Variants in GOLGA6L9 observed in about 807,000 individuals in gnomAD.
GOLGA6L9 encodes golgin subfamily A member 6-like protein 9.
In GOLGA6L9, 19 loss-of-function variants were observed where a neutral mutation model predicts 51.3. The observed-to-expected ratio is 0.37, with a 90% CI of 0.26 to 0.54. GOLGA6L9 has a LOEUF of 0.54. Among genes scored for constraint, GOLGA6L9 ranks in the 20% least tolerant of loss-of-function variants. The pLI, the probability that GOLGA6L9 is intolerant of heterozygous loss-of-function variation, is 0.83. For synonymous variants in GOLGA6L9, 97 were observed against 184.2 expected (o/e 0.53, Z 3.83); for missense variants, 247 against 464.1 (o/e 0.53, Z 4.30).
upstream of GOLGA6L9, among the ~76,000 whole-genome samples, chr15:82,429,637 G>A (rs1291867990): frequency 6.6e-6 from 1 of 152,042 alleles, no homozygotes; most frequent in Non-Finnish European, 1.5e-5. Flanking sequence ...AAAAATATAG[G>A]CCAAAATCAT....
the GOLGA6L9 span, among the ~76,000 whole-genome samples, chr15:82,416,178 T>A: frequency 2.6e-5 from 4 of 152,094 alleles, no homozygotes; most frequent in Admixed American, 2.6e-4. Context: ...CGCAATCAGG[T>A]ATCTAGGAAA....
chr15:82,424,278 G>C, the GOLGA6L9 span, among the ~76,000 whole-genome samples: 3 of 151,806 alleles, frequency 2.0e-5, no homozygotes, highest in Non-Finnish European at 1.5e-5. Flanking sequence ...CACCATGTTG[G>C]CCAGGCTAGT....
At chr15:82,426,134 TTAA>T (rs1163367225), upstream of GOLGA6L9, among the ~76,000 whole-genome samples, 1 of 63,654 alleles carries the variant, frequency 1.6e-5, no homozygotes, top group African/African-American at 7.0e-5. Context: ...CCAGTGAATA[TTAA>T]TATATAACAA....
Position 82,434,046 on chromosome 15 carries a change from C to T in GOLGA6L9, c.446C>T (p.Ala149Val). ...KLKNQTAEPLAPQPPAGPSKM... is the reference protein window; with the variant it reads ...KLKNQTAEPLVPQPPAGPSKM... ...CTTGCTTTCTCAGCTGAACCCCTGGCCCCACAGCCCCCAGCAGGGCCATCT... is the reference window on the plus strand; with the variant it reads ...CTTGCTTTCTCAGCTGAACCCCTGGTCCCACAGCCCCCAGCAGGGCCATCT... The change falls in exon 6 of 9, where the codon GCC becomes GTC. Residue 149 changes from alanine (A) to valine (V), a missense_variant. Transcript: ENST00000618348. 6.6e-7 allele frequency: 1 copy of T among 1,526,440 alleles called. No individual in the cohort carries two copies. Among genetic ancestry groups the T allele is most frequent in the African/African-American group, 1.7e-5 (1 of 59,960 alleles). 94.6% of individuals were successfully genotyped at this position (1,526,440 alleles called of 1,614,324 possible).
At chr15:82,418,933 G>A in the GOLGA6L9 span, 2,745 of 152,402 alleles carry the variant, frequency 0.018, 27 homozygotes, top group Non-Finnish European at 0.025. Flanking sequence ...TTAGGGCCAC[G>A]TTTTTAGTTT....
Position 82,436,372 on chromosome 15 carries a change from G to T in GOLGA6L9, c.1260G>T (p.Arg420=). ...GAGEAACHSF[R]AAENRELNIT... Reference sequence around the variant, plus strand: ...GAGAGGCTGCATGCCATTCTTTTCGGGCTGCCGAGAACAGGGAGCTAAACA... The same window carrying T: ...GAGAGGCTGCATGCCATTCTTTTCGTGCTGCCGAGAACAGGGAGCTAAACA... The change falls in exon 9 of 9, where the codon CGG becomes CGT. Residue 420 remains arginine, a synonymous_variant. Coordinates refer to ENST00000618348, the MANE Select transcript of GOLGA6L9 (RefSeq NM_198181.4). 6.3e-7 allele frequency: 1 copy of T among 1,596,860 alleles called. No individual in the cohort carries two copies. The highest frequency in any genetic ancestry group is 8.5e-7 in the Non-Finnish European group (1 of 1,178,156).
At chr15:82,425,934 T>C (rs1378331927), upstream of GOLGA6L9, among the ~76,000 whole-genome samples, 11 of 149,008 alleles carry the variant, frequency 7.4e-5, no homozygotes, top group Middle Eastern at 3.4e-3. Flanking sequence ...AGTGTTTGGC[T>C]GTAGAAGGAG....
the GOLGA6L9 span, among the ~76,000 whole-genome samples, chr15:82,420,582 G>C: frequency 6.6e-6 from 1 of 152,076 alleles, no homozygotes; most frequent in Non-Finnish European, 1.5e-5. Flanking sequence ...ATTAATATCT[G>C]CATTTTATGG....
Position 82,436,328 on chromosome 15 carries a change from G to C in GOLGA6L9, c.1216G>C (p.Glu406Gln). The C allele has an allele frequency of 6.3e-7, 1 of 1,590,820 alleles. No homozygotes were observed. Among genetic ancestry groups the C allele is most frequent in the African/African-American group, 1.3e-5 (1 of 74,378 alleles). Residue 406 changes from glutamate (E) to glutamine (Q), a missense_variant, in exon 9 of 9, where the codon GAG becomes CAG. Around this residue, in one of 9 missense-constraint regions of GOLGA6L9, gnomAD observed 12 missense variants for 89.4 expected, o/e 0.13. Transcript: ENST00000618348. ...GLSGEAVGTG[E>Q]AAGGAGEAAC... ...GAGTGGAGAAGCTGTTGGTACAGGA[G>C]AGGCGGCAGGAGGAGCAGGAGAGGC...
At chr15:82,418,270 G>A in the GOLGA6L9 span, among the ~76,000 whole-genome samples, 20 of 152,296 alleles carry the variant, frequency 1.3e-4, no homozygotes, top group Admixed American at 1.1e-3. Context: ...TGGAAGATGC[G>A]CAGGCTAGAG....
the GOLGA6L9 span, among the ~76,000 whole-genome samples, chr15:82,419,641 C>T: frequency 6.6e-6 from 1 of 151,856 alleles, no homozygotes; most frequent in Non-Finnish European, 1.5e-5. Flanking sequence ...CAGAGCAAGA[C>T]TCCATCTCAA....
Position 82,434,042 on chromosome 15 carries a change from C to G in GOLGA6L9, c.442C>G (p.Leu148Val). ...TCTGCTTGCTTTCTCAGCTGAACCC[C>G]TGGCCCCACAGCCCCCAGCAGGGCC... ...FKLKNQTAEPLAPQPPAGPSK... is the reference protein window; with the variant it reads ...FKLKNQTAEPVAPQPPAGPSK... Residue 148 changes from leucine (L) to valine (V), a missense_variant, in exon 6 of 9, where the codon CTG becomes GTG. Around this residue, in one of 9 missense-constraint regions of GOLGA6L9, gnomAD observed 25 missense variants for 49.6 expected, o/e 0.50. Coordinates refer to ENST00000618348, the MANE Select transcript of GOLGA6L9 (RefSeq NM_198181.4). 2 of 1,529,572 alleles carry G rather than the reference C, an allele frequency of 1.3e-6. No individual in the cohort carries two copies. Among genetic ancestry groups the G allele is most frequent in the South Asian group, 2.4e-5 (2 of 83,924 alleles). 94.8% of individuals were successfully genotyped at this position (1,529,572 alleles called of 1,614,324 possible). A position where few individuals can be genotyped will look rare whatever the true frequency, so the allele number is the denominator to read the frequency against.
At chr15:82,429,600 G>A (rs1399454392), upstream of GOLGA6L9, among the ~76,000 whole-genome samples, 5 of 152,048 alleles carry the variant, frequency 3.3e-5, no homozygotes, top group Non-Finnish European at 5.9e-5. Flanking sequence ...GGTAATACTT[G>A]TAATTCTTGT....
At chr15:82,419,401 CA>C in the GOLGA6L9 span, 5 of 152,992 alleles carry the variant, frequency 3.3e-5, no homozygotes, top group African/African-American at 1.2e-4. Flanking sequence ...GGTATCCCAG[CA>C]GTTTGGGAGG....
chr15:82,427,278 ACTTT>A (rs1278897048), upstream of GOLGA6L9, among the ~76,000 whole-genome samples: 4 of 104,730 alleles, frequency 3.8e-5, no homozygotes, highest in African/African-American at 1.1e-4. Flanking sequence ...TTCCATTCTT[ACTTT>A]CTTTTCTTTT....
upstream of GOLGA6L9, among the ~76,000 whole-genome samples, chr15:82,429,526 A>G (rs1335668237): frequency 8.5e-5 from 13 of 152,344 alleles, no homozygotes; most frequent in South Asian, 2.1e-4. Flanking sequence ...TACTATAGTC[A>G]GCTTCATTAA....
the GOLGA6L9 span, chr15:82,418,855 T>G: frequency 6.6e-6 from 1 of 152,258 alleles, no homozygotes; most frequent in Non-Finnish European, 1.5e-5. Context: ...AGAGAAAGTT[T>G]CCATTGTAAA....
chr15:82,436,572 G>C lies in GOLGA6L9; in HGVS notation c.*161G>C. 1.4e-6 allele frequency: 1 copy of C among 725,560 alleles called. No individual in the cohort carries two copies. The highest frequency in any genetic ancestry group is 2.1e-6 in the Non-Finnish European group (1 of 477,564). 44.9% of individuals were successfully genotyped at this position (725,560 alleles called of 1,614,324 possible). A position where few individuals can be genotyped will look rare whatever the true frequency, so the allele number is the denominator to read the frequency against. ...TCTAATTTATAGTTTAAATTTATTT[G>C]TTTCTAATTTATAGTTTAAATTTAT... On this transcript the variant is annotated 3_prime_UTR_variant, in exon 9 of 9. Transcript: ENST00000618348.
Position 82,438,260 on chromosome 15 carries a change from T to C in GOLGA6L9, c.*1849T>C, listed in dbSNP as rs2031784874. On this transcript the variant is annotated 3_prime_UTR_variant, in exon 9 of 9. Coordinates refer to ENST00000618348, the MANE Select transcript of GOLGA6L9 (RefSeq NM_198181.4). ...GATAGCATTTAGCAACTGTAACCAA[T>C]CTGACAATAATGTGTTCATCAGGTA... 1 of 149,534 alleles carries C rather than the reference T, an allele frequency of 6.7e-6. No individual in the cohort carries two copies. The highest frequency in any genetic ancestry group is 1.5e-5 in the Non-Finnish European group (1 of 67,262). The allele number at this position is 149,534 out of a possible 1,614,324, so 9.3% of individuals were successfully genotyped here.
Sources: gnomAD v4.1 joint callset for allele counts (sites outside exome capture counted in the v4.1 genomes callset) on GRCh38, gnomAD v4.1.1 for gene constraint, gnomAD v4.1.1 regional missense constraint, MANE v1.5 for transcripts, NCBI Gene and HGNC (gene_info 2026-07-23, HGNC 2026-07-21) for gene names.